The following MDFIC2 variants were observed in gnomAD, a reference collection of about 807,000 sequenced individuals.
The protein encoded by MDFIC2 is MyoD family inhibitor domain containing 2.
chr3:70,269,430 A>G (rs1187713578), intron 2 of MDFIC2, among the ~76,000 whole-genome samples: 1 of 152,192 alleles, frequency 6.6e-6, no homozygotes, highest in Non-Finnish European at 1.5e-5. Context: ...AAAGGCAGTC[A>G]ACTGTTCTAA....
Position 70,254,705 on chromosome 3 carries a change from A to G in MDFIC2, c.89-47915T>C, listed in dbSNP as rs185368565. Among the ~76,000 whole-genome samples the G allele has an allele frequency of 3.7e-4, 57 of 152,318 alleles. No individual in the cohort carries two copies. In the East Asian group the frequency reaches 0.01, roughly 28 times the overall value. On this transcript the variant is annotated intron_variant, in intron 2 of 3. Coordinates refer to ENST00000567252, the MANE Select transcript of MDFIC2 (RefSeq NM_001364677.1). ...ATAATCTTTTTCTTAAGATTATAAAATGAAAAGCAGAAGTTCTGTCATGAC... is the reference window on the plus strand; with the variant it reads ...ATAATCTTTTTCTTAAGATTATAAAGTGAAAAGCAGAAGTTCTGTCATGAC...
At chr3:70,250,427 A>T (rs1004434336) in intron 2 of MDFIC2, among the ~76,000 whole-genome samples, 6 of 147,536 alleles carry the variant, frequency 4.1e-5, no homozygotes, top group Non-Finnish European at 9.1e-5. Flanking sequence ...ACACACACAC[A>T]CACACACACA....
At chr3:70,270,036 A>T (rs946363477) in intron 2 of MDFIC2, among the ~76,000 whole-genome samples, 5 of 152,244 alleles carry the variant, frequency 3.3e-5, no homozygotes, top group African/African-American at 1.2e-4. Context: ...AAATAAATCC[A>T]TGAGTTTATT....
intron 2 of MDFIC2, among the ~76,000 whole-genome samples, chr3:70,253,517 G>T (rs1701788570): frequency 6.6e-6 from 1 of 152,178 alleles, no homozygotes; most frequent in African/African-American, 2.4e-5. Flanking sequence ...ACTTTGGGAG[G>T]CCAAGATAGG....
chr3:70,254,650 G>A (rs1156745644), intron 2 of MDFIC2, among the ~76,000 whole-genome samples: 1 of 152,056 alleles, frequency 6.6e-6, no homozygotes, highest in African/African-American at 2.4e-5. Flanking sequence ...CTACCTAGAA[G>A]TTTACTATTT....
At position 70,206,717 on chromosome 3, in the gene MDFIC2, GT is replaced by G; in HGVS notation, c.161del (p.Asp54AlafsTer70). 1 of 397,800 alleles carries G rather than the reference GT, an allele frequency of 2.5e-6. No individual in the cohort carries two copies. Among genetic ancestry groups the G allele is most frequent in the Non-Finnish European group, 4.4e-6 (1 of 225,542 alleles). 24.6% of individuals were successfully genotyped at this position (397,800 alleles called of 1,614,324 possible). A position where few individuals can be genotyped will look rare whatever the true frequency, so the allele number is the denominator to read the frequency against. On this transcript the variant is annotated frameshift_variant, in exon 3 of 4. Transcript: ENST00000567252. LOFTEE classifies it high-confidence loss of function. ...TGGCTGGTCCATCTGTGATATTGAA[GT>G]CAGATACTGAATTTATAACAATAGC... ...INAIVINSVS[D>X]FNITDGPAKE...
At chr3:70,258,185 A>G (rs1701834470) in intron 2 of MDFIC2, among the ~76,000 whole-genome samples, 1 of 152,188 alleles carries the variant, frequency 6.6e-6, no homozygotes. Context: ...ATCATGTTCT[A>G]GAATAAAATA....
At chr3:70,226,991 T>A (rs554103551) in intron 2 of MDFIC2, among the ~76,000 whole-genome samples, 1 of 152,256 alleles carries the variant, frequency 6.6e-6, no homozygotes, top group East Asian at 1.9e-4. Context: ...GGCTCTTGAT[T>A]GACAGGGGAT....
chr3:70,218,436 G>A (rs1014681389), intron 2 of MDFIC2, among the ~76,000 whole-genome samples: 7 of 152,202 alleles, frequency 4.6e-5, no homozygotes, highest in East Asian at 3.9e-4. Context: ...GAGACCACTG[G>A]TCTGAGTAAT....
chr3:70,273,540 G>A (rs2106674022), intron 2 of MDFIC2, among the ~76,000 whole-genome samples: 1 of 152,186 alleles, frequency 6.6e-6, no homozygotes, highest in East Asian at 1.9e-4. Flanking sequence ...TTGGGAAAAG[G>A]TCAAGCCTAG....
At chr3:70,202,141 T>C (rs1701246181) in intron 3 of MDFIC2, among the ~76,000 whole-genome samples, 1 of 152,122 alleles carries the variant, frequency 6.6e-6, no homozygotes, top group Admixed American at 6.6e-5. Flanking sequence ...CTGATAGTGA[T>C]TGGTGACTGA....
At chr3:70,254,300 A>C (rs959364718) in intron 2 of MDFIC2, among the ~76,000 whole-genome samples, 1 of 152,072 alleles carries the variant, frequency 6.6e-6, no homozygotes, top group Admixed American at 6.5e-5. Flanking sequence ...TTCTTTTTTC[A>C]AAAAATCTCA....
At chr3:70,247,402 A>G (rs1160460347) in intron 2 of MDFIC2, among the ~76,000 whole-genome samples, 1 of 151,976 alleles carries the variant, frequency 6.6e-6, no homozygotes, top group African/African-American at 2.4e-5. Context: ...AAAGCCCACC[A>G]GGAAGGTTGT....
At chr3:70,207,286 C>A (rs1215909651) in intron 2 of MDFIC2, among the ~76,000 whole-genome samples, 2 of 152,072 alleles carry the variant, frequency 1.3e-5, no homozygotes, top group Non-Finnish European at 2.9e-5. Flanking sequence ...AATGAATAGT[C>A]TATAAGCTCA....
At chr3:70,226,130 T>C (rs1443330185) in intron 2 of MDFIC2, among the ~76,000 whole-genome samples, 1 of 152,148 alleles carries the variant, frequency 6.6e-6, no homozygotes, top group East Asian at 1.9e-4. Flanking sequence ...CCCCACCTAA[T>C]AGATAAATTT....
intron 2 of MDFIC2, among the ~76,000 whole-genome samples, chr3:70,253,505 G>A (rs1701788487): frequency 1.3e-5 from 2 of 152,216 alleles, no homozygotes; most frequent in African/African-American, 4.8e-5. Flanking sequence ...TGTCATCCCA[G>A]CACTTTGGGA....
At chr3:70,299,092 C>G (rs1335760258) in intron 2 of MDFIC2, among the ~76,000 whole-genome samples, 1 of 152,014 alleles carries the variant, frequency 6.6e-6, no homozygotes, top group Non-Finnish European at 1.5e-5. Flanking sequence ...ATAATGAATT[C>G]CTTTGAGATT....
intron 2 of MDFIC2, among the ~76,000 whole-genome samples, chr3:70,273,504 C>T (rs1014101699): frequency 6.6e-6 from 1 of 152,066 alleles, no homozygotes; most frequent in Non-Finnish European, 1.5e-5. Context: ...ACAGTAAACT[C>T]CAGATAATAC....
At chr3:70,256,460 A>G (rs1051314056) in intron 2 of MDFIC2, among the ~76,000 whole-genome samples, 2 of 152,234 alleles carry the variant, frequency 1.3e-5, no homozygotes, top group Non-Finnish European at 2.9e-5. Flanking sequence ...TTAAGGAGGT[A>G]TATTAACTCT....
Sources: gnomAD v4.1 joint callset for allele counts (sites outside exome capture counted in the v4.1 genomes callset) on GRCh38, gnomAD v4.1.1 for gene constraint, MANE v1.5 for transcripts, NCBI Gene and HGNC (gene_info 2026-07-23, HGNC 2026-07-21) for gene names.